The following SETD5 variants were observed in gnomAD, a reference collection of about 807,000 sequenced individuals.
SETD5 encodes the protein histone-lysine N-methyltransferase SETD5.
SETD5 carries 44 observed loss-of-function variants against 153.3 expected under a neutral mutation model. That is an observed-to-expected ratio of 0.29 (90% CI 0.23 to 0.37). The LOEUF (loss-of-function observed/expected upper bound fraction) is 0.37, where lower values mean the gene tolerates loss of function less well. Ranked by LOEUF, SETD5 falls within the 10% of genes least tolerant of loss-of-function variation. SETD5 has a pLI of 1.00. For missense variants in SETD5, 1,544 were observed against 1,768.0 expected (o/e 0.87, Z 2.27); for synonymous variants, 716 against 645.2 (o/e 1.11, Z -1.66).
intron 17 of SETD5, among the ~76,000 whole-genome samples, chr3:9,460,145 T>C (rs142235477): frequency 3.2e-4 from 49 of 151,694 alleles, no homozygotes; most frequent in African/African-American, 1.2e-3. Flanking sequence ...ACCTAGAGAG[T>C]TAATTGAAAA....
chr3:9,437,027 C>T (rs915306724), intron 7 of SETD5: 20 of 717,598 alleles, frequency 2.8e-5, no homozygotes, highest in South Asian at 2.4e-5. Flanking sequence ...ATTCAGTTTT[C>T]ATAGAGCTTT....
At chr3:9,427,312 G>T (rs758871274) in intron 2 of SETD5, among the ~76,000 whole-genome samples, 2 of 152,230 alleles carry the variant, frequency 1.3e-5, no homozygotes, top group Non-Finnish European at 2.9e-5. Context: ...ACTTTGAGAG[G>T]CTGAGGTGTG....
At chr3:9,456,861 A>T (rs2043314132) in intron 17 of SETD5, among the ~76,000 whole-genome samples, 1 of 152,100 alleles carries the variant, frequency 6.6e-6, no homozygotes, top group Non-Finnish European at 1.5e-5. Context: ...CTGTAGTCCC[A>T]GCTACTCAGG....
chr3:9,440,304 C>G (rs981351338), intron 7 of SETD5, among the ~76,000 whole-genome samples, 152 bp from the exon 8 acceptor site: 1 of 152,148 alleles, frequency 6.6e-6, no homozygotes, highest in Non-Finnish European at 1.5e-5. Context: ...TGATAGAAAC[C>G]AGATCCTCTG....
intron 1 of SETD5, among the ~76,000 whole-genome samples, chr3:9,420,803 TTTC>T (rs887262349): frequency 2.0e-5 from 3 of 151,964 alleles, no homozygotes; most frequent in African/African-American, 7.3e-5. Flanking sequence ...CTCATATTTG[TTTC>T]TTCTTATGCT....
At chr3:9,408,169 T>C (rs1256950586) in intron 1 of SETD5, among the ~76,000 whole-genome samples, 1 of 152,192 alleles carries the variant, frequency 6.6e-6, no homozygotes, top group Non-Finnish European at 1.5e-5. Context: ...TGTAGAGGAT[T>C]GTGAGACTTT....
In SETD5 at chr3:9,476,435, G is replaced by A. The variant is rs1196405970; in HGVS notation, c.*344G>A. The A allele has an allele frequency of 5.3e-6, 1 of 187,748 alleles. No homozygotes were observed. Among genetic ancestry groups the A allele is most frequent in the East Asian group, 1.3e-4 (1 of 7,924 alleles). The allele number at this position is 187,748 out of a possible 1,614,324, so 11.6% of individuals were successfully genotyped here. On this transcript the variant is annotated 3_prime_UTR_variant, in exon 23 of 23. Coordinates refer to ENST00000402198, the MANE Select transcript of SETD5 (RefSeq NM_001080517.3). ...TTGCCTGTAGCCCGTAGTCACTTGT[G>A]CAGTGAGGACATCTTTTTAAATTTA...
chr3:9,464,302 A>G (rs866932782), intron 17 of SETD5, 123 bp from the exon 18 acceptor site: 1 of 1,360,874 alleles, frequency 7.3e-7, no homozygotes, highest in South Asian at 1.4e-5. Flanking sequence ...TGGAGGAGAT[A>G]ACTTAATGGG....
chr3:9,465,413 T>A (rs2044436828), intron 18 of SETD5, among the ~76,000 whole-genome samples: 1 of 152,236 alleles, frequency 6.6e-6, no homozygotes, highest in Admixed American at 6.5e-5. Context: ...TTTAAAACAC[T>A]TCATCTATTG....
chr3:9,462,311 G>C (rs895036341), intron 17 of SETD5, among the ~76,000 whole-genome samples: 3 of 152,224 alleles, frequency 2.0e-5, no homozygotes, highest in African/African-American at 7.2e-5. Context: ...GATGGAGCCA[G>C]GCGCGGTGGC....
intron 2 of SETD5, among the ~76,000 whole-genome samples, chr3:9,425,417 T>C (rs1422195306): frequency 1.3e-5 from 2 of 152,164 alleles, no homozygotes; most frequent in African/African-American, 4.8e-5. Flanking sequence ...GGGTTGGTGT[T>C]TCATTAGTGA....
chr3:9,447,920 C>G lies in SETD5; in HGVS notation c.2017C>G (p.Pro673Ala). The change falls in exon 15 of 23, where the codon CCA becomes GCA. Residue 673 changes from proline to alanine, a missense_variant. By Grantham distance (27) the Pro-to-Ala change is conservative (BLOSUM62 -1). Transcript: ENST00000402198. ...GSLDSSGENR[P>A]LTGSDPTVVS... ...TCTAGACAGTTCAGGAGAAAACAGG[C>G]CATTAACAGGGTCTGACCCAACTGT... 1.2e-6 allele frequency: 2 copies of G among 1,613,866 alleles called. No individual in the cohort carries two copies. The highest frequency in any genetic ancestry group is 1.3e-5 in the African/African-American group (1 of 75,022).
At chr3:9,437,969 C>G (rs1380482342) in intron 7 of SETD5, among the ~76,000 whole-genome samples, 7 of 151,036 alleles carry the variant, frequency 4.6e-5, no homozygotes, top group African/African-American at 2.4e-5. Flanking sequence ...CGCCACTGCA[C>G]TCCAGCCTGG....
chr3:9,459,271 T>C (rs966574354), intron 17 of SETD5, among the ~76,000 whole-genome samples: 1 of 152,216 alleles, frequency 6.6e-6, no homozygotes, highest in Admixed American at 6.5e-5. Context: ...AGGTTAAAAA[T>C]AATCTGAATT....
intron 3 of SETD5, chr3:9,430,640 G>T: frequency 4.6e-6 from 1 of 218,356 alleles, no homozygotes; most frequent in Non-Finnish European, 7.8e-6. Context: ...TAACTGTATA[G>T]ATAGATAGCA....
Position 9,442,264 on chromosome 3 carries a change from C to A in SETD5, c.1077+19C>A, listed in dbSNP as rs2041384322. On this transcript the variant is annotated intron_variant, in intron 10 of 22. Transcript: ENST00000402198. Reference sequence around the variant, plus strand: ...TGCAGAGGTAAGATATCTGTAGCAACTTCCCTTTGACTGGAACCATCAAAT... The same window carrying A: ...TGCAGAGGTAAGATATCTGTAGCAAATTCCCTTTGACTGGAACCATCAAAT... 6.5e-7 allele frequency: 1 copy of A among 1,534,260 alleles called. No individual in the cohort carries two copies. Among genetic ancestry groups the A allele is most frequent in the Non-Finnish European group, 9.0e-7 (1 of 1,112,878 alleles).
chr3:9,449,461 C>T (rs908887472), intron 16 of SETD5: 2 of 152,176 alleles, frequency 1.3e-5, no homozygotes, highest in African/African-American at 4.8e-5. Flanking sequence ...CCTGGAACAC[C>T]CTTTTCTCTT....
chr3:9,431,437 C>G (rs1481257144), intron 3 of SETD5: 8 of 961,604 alleles, frequency 8.3e-6, no homozygotes. Context: ...TCCATTATTC[C>G]AAACTTTTAA....
chr3:9,432,338 A>G (rs775629278), intron 3 of SETD5: 25 of 975,644 alleles, frequency 2.6e-5, no homozygotes, highest in Non-Finnish European at 3.0e-5. Context: ...AGTTGGATAC[A>G]TATCTCAGAA....
Sources: gnomAD v4.1 joint callset for allele counts (sites outside exome capture counted in the v4.1 genomes callset) on GRCh38, gnomAD v4.1.1 for gene constraint, MANE v1.5 for transcripts, NCBI Gene and HGNC (gene_info 2026-07-23, HGNC 2026-07-21) for gene names.